Variants in GALNT18 observed in about 807,000 individuals in gnomAD.
The protein encoded by GALNT18 is GalNAc-transferase 18.
Under a neutral mutation model 69.5 loss-of-function variants are expected in GALNT18, and 44 were observed. That is an observed-to-expected ratio of 0.63 (90% CI 0.50 to 0.81). The LOEUF is 0.81. Ranked by LOEUF, GALNT18 falls within the 40% of genes least tolerant of loss-of-function variation. The pLI, the probability that GALNT18 is intolerant of heterozygous loss-of-function variation, is 0.00. For synonymous variants in GALNT18, 364 were observed against 318.2 expected, an observed-to-expected ratio of 1.14 and a Z score of -1.53; for missense variants, 715 against 810.0, an observed-to-expected ratio of 0.88 and a Z score of 1.42.
intron 6 of GALNT18, among the ~76,000 whole-genome samples, chr11:11,344,439 G>C (rs1850265049): frequency 1.3e-5 from 2 of 152,198 alleles, no homozygotes; most frequent in African/African-American, 4.8e-5. Context: ...GCAATTGCTT[G>C]TTTAATCACC....
intron 1 of GALNT18, among the ~76,000 whole-genome samples, chr11:11,552,596 T>C (rs551595025): frequency 1.1e-4 from 17 of 152,178 alleles, no homozygotes; most frequent in African/African-American, 3.6e-4. Flanking sequence ...GCCTCAGAGT[T>C]GGAATTAAGT....
chr11:11,306,944 C>T (rs1292819396), intron 9 of GALNT18, among the ~76,000 whole-genome samples: 1 of 152,240 alleles, frequency 6.6e-6, no homozygotes, highest in African/African-American at 2.4e-5. Context: ...TGCTGGCCTT[C>T]TCTTGCTGCC....
At chr11:11,352,099 C>G (rs777572260) in intron 6 of GALNT18, 1 of 1,613,642 alleles carries the variant, frequency 6.2e-7, no homozygotes, top group Non-Finnish European at 8.5e-7. Context: ...GTACTGCCCC[C>G]TGGCATGCTA....
chr11:11,288,078 T>G (rs779903205), intron 10 of GALNT18, among the ~76,000 whole-genome samples: 11 of 152,198 alleles, frequency 7.2e-5, no homozygotes, highest in Non-Finnish European at 1.6e-4. Flanking sequence ...CTGATCCACC[T>G]GCTTTCAGCT....
rs563914100 is a variant in GALNT18 at position 11,562,098 on chromosome 11, A to G, written c.235+59261T>C. On this transcript the variant is annotated intron_variant, in intron 1 of 10. Coordinates refer to ENST00000227756, the MANE Select transcript of GALNT18 (RefSeq NM_198516.3). This position sits in a 1 kb window ranked among gnomAD's most constrained non-coding sequence, Gnocchi z 4.1. The stretch of plus-strand genomic sequence containing the variant: ...GGATTGCTCCCTGCATTAGTTTGCT[A>G]GTGCTGTCCTAACTAAGTAGCACAG... Among the ~76,000 whole-genome samples, 1 of 152,232 alleles carries G rather than the reference A, an allele frequency of 6.6e-6. No homozygotes were observed. Among genetic ancestry groups the G allele is most frequent in the Non-Finnish European group, 1.5e-5 (1 of 68,036 alleles).
At chr11:11,343,996 A>T (rs1850255797) in intron 6 of GALNT18, among the ~76,000 whole-genome samples, 1 of 151,932 alleles carries the variant, frequency 6.6e-6, no homozygotes, top group South Asian at 2.1e-4. Flanking sequence ...ATCATCTCTC[A>T]TTTGGACTCT....
chr11:11,509,641 C>A (rs562245653), intron 1 of GALNT18, among the ~76,000 whole-genome samples: 19 of 152,360 alleles, frequency 1.2e-4, no homozygotes, highest in African/African-American at 4.3e-4. Flanking sequence ...GACTTTCCCC[C>A]CTCTCCATGC....
At chr11:11,286,788 T>C (rs1336244519) in intron 10 of GALNT18, among the ~76,000 whole-genome samples, 1 of 152,044 alleles carries the variant, frequency 6.6e-6, no homozygotes, top group Non-Finnish European at 1.5e-5. Context: ...AAATAAGGGG[T>C]AAATGATGCC....
At position 11,465,562 on chromosome 11, in the gene GALNT18, C is replaced by T. The variant is rs989889340; in HGVS notation, c.236-16626G>A. Among the ~76,000 whole-genome samples, 1 of 152,154 alleles carries T rather than the reference C, an allele frequency of 6.6e-6. No individual in the cohort carries two copies. The highest frequency in any genetic ancestry group is 1.5e-5 in the Non-Finnish European group (1 of 68,034). On this transcript the variant is annotated intron_variant, in intron 1 of 10. Coordinates refer to ENST00000227756, the MANE Select transcript of GALNT18 (RefSeq NM_198516.3). This position sits in a 1 kb window ranked among gnomAD's most constrained non-coding sequence, Gnocchi z 5.7. Reference sequence around the variant, plus strand: ...TCAGGAAGCACAGCTTAGGAAGGGTCTTGAGAATGGCCTCCGGGAACCAGA... The same window carrying T: ...TCAGGAAGCACAGCTTAGGAAGGGTTTTGAGAATGGCCTCCGGGAACCAGA...
rs773741045 is a variant in GALNT18 at position 11,337,286 on chromosome 11, C to CGT, written c.1278+3531_1278+3532dup. 6.6e-6 allele frequency among the ~76,000 whole-genome samples: 1 copy of CGT among 152,166 alleles called. No homozygotes were observed. The highest frequency in any genetic ancestry group is 1.5e-5 in the Non-Finnish European group (1 of 68,036). ...CACTCATTAATAAGCGTTAGCAAGG[C>CGT]GTCACCAAGCTCTTACCATGCGCCC... On this transcript the variant is annotated intron_variant, in intron 7 of 10. Transcript: ENST00000227756. The surrounding 1 kb of genome is among the most constrained non-coding windows in gnomAD (Gnocchi z 4.9).
In GALNT18 at chr11:11,621,714, C is replaced by G; in HGVS notation, c.-121G>C. On this transcript the variant is annotated 5_prime_UTR_variant, in exon 1 of 11. Coordinates refer to ENST00000227756, the MANE Select transcript of GALNT18 (RefSeq NM_198516.3). This position sits in a 1 kb window ranked among gnomAD's most constrained non-coding sequence, Gnocchi z 9.3. ...CGCTGGGCACCTCAGCACCTGAGTC[C>G]CGAGGTTCTCCAAAGCCCGGTCCGC... is the stretch of plus-strand genomic sequence containing the variant. 1 of 702,338 alleles carries G rather than the reference C, an allele frequency of 1.4e-6. No homozygotes were observed. Among genetic ancestry groups the G allele is most frequent in the Non-Finnish European group, 2.4e-6 (1 of 423,640 alleles). The allele number at this position is 702,338 out of a possible 1,614,324, so 43.5% of individuals were successfully genotyped here. A position where few individuals can be genotyped will look rare whatever the true frequency, so the allele number is the denominator to read the frequency against.
At position 11,592,381 on chromosome 11, in the gene GALNT18, TGA is replaced by T. The variant is rs1859378923; in HGVS notation, c.235+28976_235+28977del. Among the ~76,000 whole-genome samples the T allele has an allele frequency of 6.6e-6, 1 of 152,214 alleles. No homozygotes were observed. Among genetic ancestry groups the T allele is most frequent in the African/African-American group, 2.4e-5 (1 of 41,450 alleles). On this transcript the variant is annotated intron_variant, in intron 1 of 10. Transcript: ENST00000227756. This position sits in a 1 kb window ranked among gnomAD's most constrained non-coding sequence, Gnocchi z 5.9. ...ATGCTGTTCCTGCAAGGAAGTGGAC[TGA>T]GTTTTCTAGATAATGTTTGAGCAAT...
At chr11:11,367,534 T>C (rs1037693178) in intron 6 of GALNT18, among the ~76,000 whole-genome samples, 5 of 152,150 alleles carry the variant, frequency 3.3e-5, no homozygotes, top group Admixed American at 2.0e-4. Flanking sequence ...TGATTCACAG[T>C]TGGGGCAAGA....
In GALNT18 at chr11:11,388,976, G is replaced by A. The variant is rs543084518; in HGVS notation, c.596-9712C>T. ...TAATGCTACTCAAGGTAGGTAGGTA[G>A]CATGACTATTTCTGTTCCATAGATG... is the stretch of plus-strand genomic sequence containing the variant. On this transcript the variant is annotated intron_variant, in intron 3 of 10. Coordinates refer to ENST00000227756, the MANE Select transcript of GALNT18 (RefSeq NM_198516.3). Among the ~76,000 whole-genome samples, 142 of 152,318 alleles carry A rather than the reference G, an allele frequency of 9.3e-4. 1 individual carries two copies. The highest frequency in any genetic ancestry group is 8.7e-3 in the South Asian group (42 of 4,824).
chr11:11,446,647 G>A (rs897159589), intron 2 of GALNT18, among the ~76,000 whole-genome samples: 1 of 152,126 alleles, frequency 6.6e-6, no homozygotes, highest in Non-Finnish European at 1.5e-5. Flanking sequence ...CTCCCCTGCT[G>A]CCATCATGGT....
At chr11:11,352,662 A>G (rs1334906994) in intron 6 of GALNT18, 7 of 1,614,096 alleles carry the variant, frequency 4.3e-6, no homozygotes, top group East Asian at 4.5e-5. Flanking sequence ...ATCTCTGTGC[A>G]TAATTCCCAT....
intron 5 of GALNT18, among the ~76,000 whole-genome samples, chr11:11,376,730 C>T (rs967787659): frequency 2.0e-5 from 3 of 152,140 alleles, no homozygotes; most frequent in Non-Finnish European, 4.4e-5. Flanking sequence ...GTGTCCATTC[C>T]CCAACCTAGC....
In GALNT18 at chr11:11,435,581, G is replaced by A. The variant is rs1318854705; in HGVS notation, c.429-2794C>T. Reference sequence around the variant, plus strand: ...TCTACTAGAATGAAGCCCCCTGAGAGCAGGAACTTTGCTTTTGGACTGTGC... The same window carrying A: ...TCTACTAGAATGAAGCCCCCTGAGAACAGGAACTTTGCTTTTGGACTGTGC... On this transcript the variant is annotated intron_variant, in intron 2 of 10. Transcript: ENST00000227756. This position sits in a 1 kb window ranked among gnomAD's most constrained non-coding sequence, Gnocchi z 4.4. Among the ~76,000 whole-genome samples, 1 of 152,174 alleles carries A rather than the reference G, an allele frequency of 6.6e-6. No homozygotes were observed. The highest frequency in any genetic ancestry group is 1.5e-5 in the Non-Finnish European group (1 of 68,020).
At chr11:11,548,749 C>A (rs905759130) in intron 1 of GALNT18, among the ~76,000 whole-genome samples, 1 of 152,224 alleles carries the variant, frequency 6.6e-6, no homozygotes, top group Non-Finnish European at 1.5e-5. Context: ...CTTTTGCAGG[C>A]TAAAAGTTTC....
Sources: gnomAD v4.1 joint callset for allele counts (sites outside exome capture counted in the v4.1 genomes callset) on GRCh38, gnomAD v4.1.1 for gene constraint, Gnocchi (gnomAD v3.1) non-coding constraint, MANE v1.5 for transcripts, NCBI Gene and HGNC (gene_info 2026-07-23, HGNC 2026-07-21) for gene names.